The following CSRNP3 variants were observed in gnomAD, a reference collection of about 807,000 sequenced individuals.
CSRNP3 encodes the protein cysteine and serine rich nuclear protein 3.
A neutral mutation model predicts 48.0 loss-of-function variants in CSRNP3; 12 were observed. That is an observed-to-expected ratio of 0.25 (90% CI 0.16 to 0.41). The LOEUF (loss-of-function observed/expected upper bound fraction) is 0.41. Ranked by LOEUF, CSRNP3 falls within the 10% of genes least tolerant of loss-of-function variation. The pLI is 1.00. For missense variants in CSRNP3, 580 were observed against 724.4 expected (o/e 0.80, Z 2.29); for synonymous variants, 263 against 269.7 (o/e 0.98, Z 0.24).
intron 3 of CSRNP3, among the ~76,000 whole-genome samples, chr2:165,539,627 T>C (rs914402799): frequency 6.6e-6 from 1 of 152,080 alleles, no homozygotes; most frequent in Non-Finnish European, 1.5e-5. Flanking sequence ...ATTTTGATGA[T>C]GACTTTTTAA....
intron 4 of CSRNP3, among the ~76,000 whole-genome samples, chr2:165,615,441 G>T (rs1686221923): frequency 6.6e-6 from 1 of 151,844 alleles, no homozygotes; most frequent in Non-Finnish European, 1.5e-5. Context: ...TACTCAGGAG[G>T]TTGAGGCAGG....
Position 165,614,566 on chromosome 2 carries a change from T to C in CSRNP3, c.148+19353T>C, listed in dbSNP as rs1212098390. 2.0e-5 allele frequency among the ~76,000 whole-genome samples: 3 copies of C among 152,228 alleles called. No homozygotes were observed. In the East Asian group the frequency reaches 5.8e-4, roughly 29 times the overall value. On this transcript the variant is annotated intron_variant, in intron 4 of 6. Coordinates refer to ENST00000651982, the MANE Select transcript of CSRNP3 (RefSeq NM_001172173.2). ...CAGTATGATGTTAGCTGTGTGTTTG[T>C]CATATATGGCCTTTATTGTGTTGAT...
chr2:165,491,945 T>A, intron 1 of CSRNP3, among the ~76,000 whole-genome samples: 2 of 119,558 alleles, frequency 1.7e-5, no homozygotes, highest in South Asian at 2.7e-4. Flanking sequence ...AAACTTAAAG[T>A]ATAATAAAAA....
chr2:165,594,028 T>A (rs566359826), intron 3 of CSRNP3, among the ~76,000 whole-genome samples: 5 of 152,290 alleles, frequency 3.3e-5, no homozygotes, highest in Admixed American at 3.3e-4. Flanking sequence ...GTTATATGAA[T>A]AAGATATACA....
chr2:165,483,052 A>G (rs1188098813), intron 1 of CSRNP3, among the ~76,000 whole-genome samples: 1 of 150,446 alleles, frequency 6.6e-6, no homozygotes, highest in African/African-American at 2.4e-5. Flanking sequence ...ATGTATATAT[A>G]TATGTATATA....
chr2:165,493,270 C>T (rs1199400681), intron 1 of CSRNP3, among the ~76,000 whole-genome samples: 1 of 151,706 alleles, frequency 6.6e-6, no homozygotes, highest in Non-Finnish European at 1.5e-5. Context: ...TAGATAGGAC[C>T]ACCGTGCTGG....
intron 3 of CSRNP3, among the ~76,000 whole-genome samples, chr2:165,533,333 C>G (rs1162704097): frequency 6.6e-6 from 1 of 152,102 alleles, no homozygotes; most frequent in African/African-American, 2.4e-5. Context: ...TTTCCAAACT[C>G]ACTTTCCTAA....
chr2:165,559,895 G>A (rs1318032816), intron 3 of CSRNP3, among the ~76,000 whole-genome samples: 1 of 150,204 alleles, frequency 6.7e-6, no homozygotes, highest in Non-Finnish European at 1.5e-5. Context: ...TGCCTCCTGG[G>A]TTCATGCCAT....
At chr2:165,534,941 A>T (rs949871815) in intron 3 of CSRNP3, among the ~76,000 whole-genome samples, 1 of 151,772 alleles carries the variant, frequency 6.6e-6, no homozygotes, top group Non-Finnish European at 1.5e-5. Context: ...ACACATAATA[A>T]AAAGTGTAAA....
In CSRNP3 at chr2:165,569,911, T is replaced by TA. The variant is rs1685346056; in HGVS notation, c.-23-25131dup. Among the ~76,000 whole-genome samples the TA allele has an allele frequency of 2.0e-5, 3 of 152,168 alleles. No individual in the cohort carries two copies. In the South Asian group the frequency reaches 6.2e-4, roughly 31 times the overall value. On this transcript the variant is annotated intron_variant, in intron 3 of 6. Transcript: ENST00000651982. ...GTATTAGAAAAAAAAAATCACCTCTTACTTCCAAAAATCCTATCTACTTAT... is the reference window on the plus strand; with the variant it reads ...GTATTAGAAAAAAAAAATCACCTCTTAACTTCCAAAAATCCTATCTACTTAT...
intron 5 of CSRNP3, among the ~76,000 whole-genome samples, chr2:165,661,001 T>C (rs1687088377): frequency 6.6e-6 from 1 of 152,202 alleles, no homozygotes; most frequent in African/African-American, 2.4e-5. Context: ...AACCAGCTTT[T>C]TAAAACTCTG....
chr2:165,673,893 C>T (rs570488842), intron 5 of CSRNP3, among the ~76,000 whole-genome samples: 91 of 151,980 alleles, frequency 6.0e-4, no homozygotes, highest in African/African-American at 1.7e-3. Flanking sequence ...TGGTGGCAGG[C>T]GCCTGTAATC....
At chr2:165,562,487 T>A (rs757259917) in intron 3 of CSRNP3, among the ~76,000 whole-genome samples, 6 of 152,158 alleles carry the variant, frequency 3.9e-5, no homozygotes, top group Non-Finnish European at 8.8e-5. Flanking sequence ...AGAAAAAGTG[T>A]ATGCAGTATC....
At chr2:165,584,557 A>G (rs1203571795) in intron 3 of CSRNP3, among the ~76,000 whole-genome samples, 1 of 152,210 alleles carries the variant, frequency 6.6e-6, no homozygotes, top group African/African-American at 2.4e-5. Context: ...CTTCTATCCC[A>G]ACTCTACAGG....
At chr2:165,570,331 C>G (rs1424896316) in intron 3 of CSRNP3, among the ~76,000 whole-genome samples, 2 of 152,016 alleles carry the variant, frequency 1.3e-5, no homozygotes, top group Non-Finnish European at 2.9e-5. Flanking sequence ...CTATAGACTT[C>G]CCATTGGAGA....
chr2:165,638,686 A>G (rs1686674478), intron 4 of CSRNP3, among the ~76,000 whole-genome samples: 2 of 152,212 alleles, frequency 1.3e-5, no homozygotes, highest in Admixed American at 6.5e-5. Flanking sequence ...CAGCAAAAAT[A>G]TATTTTGTTA....
At chr2:165,639,218 A>C (rs1434504188) in intron 4 of CSRNP3, among the ~76,000 whole-genome samples, 2 of 152,160 alleles carry the variant, frequency 1.3e-5, no homozygotes, top group Non-Finnish European at 2.9e-5. Context: ...TACCTACAAA[A>C]AGCACAAAAC....
chr2:165,532,923 A>G (rs1684833958), intron 3 of CSRNP3, among the ~76,000 whole-genome samples: 1 of 152,122 alleles, frequency 6.6e-6, no homozygotes, highest in Admixed American at 6.5e-5. Flanking sequence ...ATAACAGACA[A>G]ACAGAGAGCC....
intron 4 of CSRNP3, among the ~76,000 whole-genome samples, chr2:165,605,426 A>C (rs1051962596): frequency 2.6e-5 from 4 of 152,146 alleles, no homozygotes; most frequent in African/African-American, 9.7e-5. Flanking sequence ...ACGTAGGCCC[A>C]AAGTCCTCAT....
Sources: allele counts gnomAD v4.1 joint callset (sites outside exome capture counted in the v4.1 genomes callset), GRCh38; gene constraint gnomAD v4.1.1; transcripts MANE v1.5; gene names NCBI Gene and HGNC (gene_info 2026-07-23, HGNC 2026-07-21).